Variants in GRAMD2B observed in about 807,000 individuals in gnomAD.
The protein encoded by GRAMD2B is GRAM domain-containing protein 2B.
GRAMD2B carries 41 observed loss-of-function variants against 59.2 expected under a neutral mutation model. That is an observed-to-expected ratio of 0.69 (90% CI 0.54 to 0.90). The LOEUF is 0.90. GRAMD2B is among the 40% of genes least tolerant of loss of function. GRAMD2B has a pLI of 0.00. For missense variants in GRAMD2B, 424 were observed against 500.5 expected (o/e 0.85, Z 1.46); for synonymous variants, 161 against 182.7 (o/e 0.88, Z 0.96).
At chr5:126,394,250 G>A (rs1757145215) in intron 1 of GRAMD2B, among the ~76,000 whole-genome samples, 1 of 151,266 alleles carries the variant, frequency 6.6e-6, no homozygotes, top group Admixed American at 6.6e-5. Context: ...AGTCCAGCCC[G>A]GACGACACAG....
chr5:126,404,109 G>A (rs1758058716), intron 1 of GRAMD2B, among the ~76,000 whole-genome samples: 1 of 151,874 alleles, frequency 6.6e-6, no homozygotes, highest in African/African-American at 2.4e-5. Context: ...AAATGCTAAT[G>A]TTAAATTCTC....
At chr5:126,368,544 C>A (rs1251661269), upstream of GRAMD2B, among the ~76,000 whole-genome samples, 1 of 152,198 alleles carries the variant, frequency 6.6e-6, no homozygotes, top group Non-Finnish European at 1.5e-5. Flanking sequence ...CTGGCTCCAG[C>A]CCTCAGACAG....
At chr5:126,485,559 T>C (rs1467689283) in intron 10 of GRAMD2B, 127 bp from the exon 11 acceptor site, 8 of 601,588 alleles carry the variant, frequency 1.3e-5, no homozygotes, top group Non-Finnish European at 2.3e-5. Flanking sequence ...ACTGGGAGAC[T>C]TGATATTTTC....
chr5:126,465,123 G>A, intron 1 of GRAMD2B: 1 of 1,217,524 alleles, frequency 8.2e-7, no homozygotes, highest in Non-Finnish European at 1.0e-6. Context: ...GCCTCCAGGT[G>A]ATCTGCTGCC....
chr5:126,390,907 C>T (rs72782476), intron 1 of GRAMD2B, among the ~76,000 whole-genome samples: 1,785 of 152,206 alleles, frequency 0.012, 19 homozygotes, highest in South Asian at 0.019. Flanking sequence ...GCCTAATTCC[C>T]GTAATAAAAG....
chr5:126,481,749 C>T (rs1176366869), intron 8 of GRAMD2B, among the ~76,000 whole-genome samples: 3 of 152,080 alleles, frequency 2.0e-5, no homozygotes, highest in Non-Finnish European at 4.4e-5. Flanking sequence ...GGGTGGATCA[C>T]AAGGTCAGGA....
intron 1 of GRAMD2B, among the ~76,000 whole-genome samples, chr5:126,405,661 G>C (rs1038795735): frequency 1.1e-4 from 17 of 151,348 alleles, no homozygotes; most frequent in African/African-American, 4.1e-4. Context: ...GCAGTAGATG[G>C]CAAAAGACAG....
At chr5:126,456,812 G>T (rs79497299) in intron 1 of GRAMD2B, among the ~76,000 whole-genome samples, 5,451 of 152,162 alleles carry the variant, frequency 0.036, 115 homozygotes, top group Middle Eastern at 0.048. Flanking sequence ...ATTAGTAACC[G>T]CTGCCATTTT....
upstream of GRAMD2B, among the ~76,000 whole-genome samples, chr5:126,368,406 A>G (rs571009041): frequency 3.7e-4 from 57 of 152,360 alleles, no homozygotes; most frequent in South Asian, 6.6e-3. Flanking sequence ...TTTTCTTTCA[A>G]TGATCATGTA....
rs1772804337 is a variant in GRAMD2B at position 126,485,828 on chromosome 5, G to C, written c.1058+55G>C. 1.8e-6 allele frequency: 2 copies of C among 1,091,974 alleles called. 1 individual carries two copies. The highest frequency in any genetic ancestry group is 3.1e-5 in the African/African-American group (2 of 64,190). 67.6% of individuals were successfully genotyped at this position (1,091,974 alleles called of 1,614,324 possible). On this transcript the variant is annotated intron_variant, in intron 11 of 13. Coordinates refer to ENST00000285689, the MANE Select transcript of GRAMD2B (RefSeq NM_023927.4). Reference sequence around the variant, plus strand: ...AAGAAAATGATTCCATTCGCTAAAGGAATAATCTCTTCACACTGCCAAGAC... The same window carrying C: ...AAGAAAATGATTCCATTCGCTAAAGCAATAATCTCTTCACACTGCCAAGAC...
chr5:126,372,155 A>G (rs1283540406), intron 1 of GRAMD2B, among the ~76,000 whole-genome samples: 1 of 152,162 alleles, frequency 6.6e-6, no homozygotes, highest in Admixed American at 6.5e-5. Context: ...CACCACTCTA[A>G]TAACTACATA....
intron 5 of GRAMD2B, among the ~76,000 whole-genome samples, chr5:126,473,700 C>T (rs995344980): frequency 3.3e-5 from 5 of 152,140 alleles, no homozygotes; most frequent in African/African-American, 1.2e-4. Flanking sequence ...GGAGGGTGTG[C>T]CATGATTTTC....
intron 1 of GRAMD2B, among the ~76,000 whole-genome samples, chr5:126,413,277 C>T (rs1442157257): frequency 1.3e-5 from 2 of 152,174 alleles, no homozygotes; most frequent in East Asian, 1.9e-4. Context: ...GCTTTTGCTG[C>T]ATCCCAGAGA....
intron 1 of GRAMD2B, among the ~76,000 whole-genome samples, chr5:126,450,744 G>A (rs889099253): frequency 2.0e-5 from 3 of 151,780 alleles, no homozygotes; most frequent in South Asian, 2.1e-4. Flanking sequence ...GGTACAGCTC[G>A]GGCTGCCACT....
chr5:126,393,338 T>A (rs1323105273), intron 1 of GRAMD2B, among the ~76,000 whole-genome samples: 2 of 152,232 alleles, frequency 1.3e-5, no homozygotes, highest in Admixed American at 6.5e-5. Flanking sequence ...CTCATAAAAA[T>A]TTTTACATGT....
intron 1 of GRAMD2B, among the ~76,000 whole-genome samples, chr5:126,404,587 A>G (rs1468414821): frequency 6.6e-6 from 1 of 151,934 alleles, no homozygotes; most frequent in Non-Finnish European, 1.5e-5. Flanking sequence ...AGGATCCTCA[A>G]GAGTAGCAGA....
intron 1 of GRAMD2B, among the ~76,000 whole-genome samples, chr5:126,414,225 AT>A (rs915347001): frequency 6.6e-5 from 10 of 152,032 alleles, no homozygotes; most frequent in African/African-American, 2.4e-4. Flanking sequence ...TTTATACAAT[AT>A]TTTTTCAAAA....
chr5:126,459,662 G>C (rs1164591556), intron 1 of GRAMD2B, among the ~76,000 whole-genome samples: 3 of 152,186 alleles, frequency 2.0e-5, no homozygotes, highest in Admixed American at 2.0e-4. Flanking sequence ...TGAAACTGTA[G>C]TGGAATATTT....
In GRAMD2B at chr5:126,379,759, G is replaced by T. The variant is rs1024840645; in HGVS notation, c.125+8192G>T. Among the ~76,000 whole-genome samples, 80 of 151,940 alleles carry T rather than the reference G, an allele frequency of 5.3e-4. 2 individuals carry two copies. Among genetic ancestry groups the T allele is most frequent in the Admixed American group, 4.9e-3 (75 of 15,234 alleles). ...GCCCACTTTTTGATGGGATTGTTTG[G>T]TTTTTTCTTGCTTATTTGATTGATT... On this transcript the variant is annotated intron_variant, in intron 1 of 8. Transcript: ENST00000506445.
Sources: gnomAD v4.1 joint callset for allele counts (sites outside exome capture counted in the v4.1 genomes callset) on GRCh38, gnomAD v4.1.1 for gene constraint, MANE v1.5 for transcripts, NCBI Gene and HGNC (gene_info 2026-07-23, HGNC 2026-07-21) for gene names.